Variants in PIGG observed in about 807,000 individuals in gnomAD.
The protein encoded by PIGG is GPI ethanolamine phosphate transferase 2, catalytic subunit.
PIGG carries 70 observed loss-of-function variants against 83.2 expected under a neutral mutation model. That is an observed-to-expected ratio of 0.84 (90% CI 0.69 to 1.03). PIGG has a LOEUF of 1.03. PIGG is among the 50% of genes least tolerant of loss of function. PIGG has a pLI of 0.00. For missense variants in PIGG, 1,257 were observed against 1,233.6 expected, an observed-to-expected ratio of 1.02 and a Z score of -0.28; for synonymous variants, 532 against 519.5, an observed-to-expected ratio of 1.02 and a Z score of -0.33.
chr4:539,548 C>T lies in PIGG; in HGVS notation c.*179C>T. On this transcript the variant is annotated 3_prime_UTR_variant, in exon 13 of 13. Transcript: ENST00000453061. The stretch of plus-strand genomic sequence containing the variant: ...TAATATACAGTTTGTATCATATTTT[C>T]CCCCATTGACAATCACTCTAGAAGC... 1.7e-6 allele frequency: 1 copy of T among 586,268 alleles called. No homozygotes were observed. The highest frequency in any genetic ancestry group is 3.1e-5 in the Admixed American group (1 of 32,090). The allele number at this position is 586,268 out of a possible 1,614,324, so 36.3% of individuals were successfully genotyped here.
chr4:500,493 A>G lies in PIGG; in HGVS notation c.252A>G (p.Ser84=). 6.2e-7 allele frequency: 1 copy of G among 1,613,144 alleles called. No homozygotes were observed. The highest frequency in any genetic ancestry group is 8.5e-7 in the Non-Finnish European group (1 of 1,179,100). ...TGAGAGATGATTTTGTGTTTGGGTC[A>G]AAGGGTGTGAAATTTATGCCCTACA... ...DALRDDFVFG[S]KGVKFMPYTT... is the part of the protein sequence containing the mutation. Residue 84 remains serine (S), a synonymous_variant, in exon 2 of 13, where the codon TCA becomes TCG. Coordinates refer to ENST00000453061, the MANE Select transcript of PIGG (RefSeq NM_001127178.3).
rs1728234183 is a variant in PIGG at position 528,380 on chromosome 4, AGCAAGTCAAGGTGACTGCT to A, written c.2261+1152_2261+1170del. ...TAATAAGTGTTGCTTTTCTAATCAC[AGCAAGTCAAGGTGACTGCT>A]GAGGGCTGTGGCCAGCCTGAGGGGT... On this transcript the variant is annotated intron_variant, in intron 10 of 12. Transcript: ENST00000453061. This position sits in a 1 kb window ranked among gnomAD's most constrained non-coding sequence, Gnocchi z 4.8. 1.8e-5 allele frequency: 18 copies of A among 985,412 alleles called. No individual in the cohort carries two copies. The highest frequency in any genetic ancestry group is 2.2e-5 in the Non-Finnish European group (18 of 829,898). The allele number at this position is 985,412 out of a possible 1,614,324, so 61.0% of individuals were successfully genotyped here.
intron 11 of PIGG, 187 bp downstream of exon 11, chr4:530,932 G>T: frequency 1.7e-6 from 1 of 574,786 alleles, no homozygotes; most frequent in Non-Finnish European, 3.1e-6. Flanking sequence ...CGTCCCAGGT[G>T]TGGATGTGTG....
chr4:506,868 T>G, intron 3 of PIGG: 1 of 446,536 alleles, frequency 2.2e-6, no homozygotes, highest in Non-Finnish European at 4.6e-6. Flanking sequence ...TAACGCTGGG[T>G]ACTGTCCTGT....
At chr4:512,323 T>C (rs147283631) in intron 5 of PIGG, among the ~76,000 whole-genome samples, 1 of 148,910 alleles carries the variant, frequency 6.7e-6, no homozygotes, top group South Asian at 2.2e-4. Context: ...GGGTTCAAGC[T>C]ATTCTCCTGC....
chr4:505,371 T>C (rs1271172755), intron 2 of PIGG, among the ~76,000 whole-genome samples: 1 of 147,192 alleles, frequency 6.8e-6, no homozygotes, highest in African/African-American at 2.5e-5. Context: ...CCACCAGTAC[T>C]AGGGATGCCC....
intron 6 of PIGG, among the ~76,000 whole-genome samples, chr4:517,609 C>T (rs1724365232): frequency 6.6e-6 from 1 of 152,076 alleles, no homozygotes; most frequent in African/African-American, 2.4e-5. Context: ...GAGAACTGAG[C>T]TTTGGATCTG....
chr4:499,804 T>G (rs1716912264), intron 1 of PIGG: 11 of 1,123,418 alleles, frequency 9.8e-6, no homozygotes, highest in Non-Finnish European at 1.0e-5. Flanking sequence ...TGAGCAGCCT[T>G]TGGGTCACTC....
intron 2 of PIGG, among the ~76,000 whole-genome samples, chr4:503,047 A>T (rs979532930): frequency 1.3e-5 from 2 of 152,180 alleles, no homozygotes; most frequent in African/African-American, 4.8e-5. Flanking sequence ...TAGTAATCAG[A>T]GCAGGGCAAA....
intron 10 of PIGG, chr4:527,851 C>T (rs1728087198): frequency 4.1e-6 from 4 of 985,230 alleles, no homozygotes; most frequent in African/African-American, 1.7e-5. Flanking sequence ...GAGCAGAGGC[C>T]GTTCTGGAGG....
At chr4:510,715 AGGACT>A (rs1409489109) in intron 5 of PIGG, among the ~76,000 whole-genome samples, 1 of 152,168 alleles carries the variant, frequency 6.6e-6, no homozygotes, top group East Asian at 1.9e-4. Context: ...TTCGTGAGCC[AGGACT>A]GTACTCTGGT....
intron 11 of PIGG, 100 bp downstream of exon 11, chr4:530,845 G>A (rs1560368141): frequency 1.2e-6 from 1 of 806,446 alleles, no homozygotes; most frequent in Non-Finnish European, 2.0e-6. Context: ...GAAAGTGACT[G>A]TCAGTGTGGC....
rs142114614 is a variant in PIGG at position 539,894 on chromosome 4, C to CA, written c.*532dup. On this transcript the variant is annotated 3_prime_UTR_variant, in exon 13 of 13. Coordinates refer to ENST00000453061, the MANE Select transcript of PIGG (RefSeq NM_001127178.3). ...GGAAAAGTAACTATATTTTCCAAAA[C>CA]AAAAAAATTCAGTGAGACCCAGCAC... The CA allele has an allele frequency of 7.9e-5, 12 of 152,296 alleles. No individual in the cohort carries two copies. The highest frequency in any genetic ancestry group is 7.9e-4 in the Admixed American group (12 of 15,278). The allele number at this position is 152,296 out of a possible 1,614,324, so 9.4% of individuals were successfully genotyped here. A position where few individuals can be genotyped will look rare whatever the true frequency, so the allele number is the denominator to read the frequency against.
intron 6 of PIGG, among the ~76,000 whole-genome samples, chr4:519,624 A>G (rs1020479671): frequency 6.6e-6 from 1 of 152,220 alleles, no homozygotes; most frequent in African/African-American, 2.4e-5. Flanking sequence ...GGGAGGTGAA[A>G]CGAGCGAGCC....
rs912058961 is a variant in PIGG, at chr4:539,471, T to A, written c.*102T>A. The A allele has an allele frequency of 2.9e-6, 2 of 678,456 alleles. No homozygotes were observed. The highest frequency in any genetic ancestry group is 3.6e-5 in the African/African-American group (2 of 55,588). The allele number at this position is 678,456 out of a possible 1,614,324, so 42.0% of individuals were successfully genotyped here. On this transcript the variant is annotated 3_prime_UTR_variant, in exon 13 of 13. Transcript: ENST00000453061. ...AAGTTGATGGATAACTTTCTTTGACTGCTCTACCTGAATTTAGACTAAGCA... is the reference window on the plus strand; with the variant it reads ...AAGTTGATGGATAACTTTCTTTGACAGCTCTACCTGAATTTAGACTAAGCA...
intron 6 of PIGG, among the ~76,000 whole-genome samples, chr4:516,854 CAAAAAAAAAA>C (rs1178401194): frequency 4.8e-3 from 222 of 46,520 alleles, no homozygotes; most frequent in African/African-American, 0.018. Flanking sequence ...GACTCTGCCT[CAAAAAAAAAA>C]AAAAAAAAAA....
At chr4:520,687 T>C (rs557401187) in intron 6 of PIGG, among the ~76,000 whole-genome samples, 35 of 152,316 alleles carry the variant, frequency 2.3e-4, no homozygotes, top group African/African-American at 8.4e-4. Flanking sequence ...ATTGTTTTTA[T>C]ATTGCACGTT....
At chr4:537,104 A>G (rs1315441411) in intron 12 of PIGG, 2 of 152,226 alleles carry the variant, frequency 1.3e-5, no homozygotes, top group African/African-American at 4.8e-5. Context: ...CCTTCATTTT[A>G]TAGGGTTTTC....
intron 10 of PIGG, among the ~76,000 whole-genome samples, chr4:529,701 T>C (rs1196242564): frequency 6.6e-6 from 1 of 152,366 alleles, no homozygotes; most frequent in East Asian, 1.9e-4. Flanking sequence ...TTACTGAGCT[T>C]ACTGTGTGCC....
Sources: allele counts gnomAD v4.1 joint callset (sites outside exome capture counted in the v4.1 genomes callset), GRCh38; gene constraint gnomAD v4.1.1; non-coding constraint Gnocchi (gnomAD v3.1); transcripts MANE v1.5; gene names NCBI Gene and HGNC (gene_info 2026-07-23, HGNC 2026-07-21).